Variants in CLCN5 observed in about 807,000 individuals in gnomAD.
CLCN5 encodes H(+)/Cl(-) exchange transporter 5.
Under a neutral mutation model 54.0 loss-of-function variants are expected in CLCN5, and 17 were observed. The ratio of observed to expected loss-of-function variants is 0.31; its 90% CI spans 0.22 to 0.47. CLCN5 has a LOEUF of 0.47. CLCN5 is among the 20% of genes least tolerant of loss of function. The probability of loss-of-function intolerance (pLI) is 1.00; values close to 1 mark genes in which losing one functional copy is unlikely to be tolerated. For synonymous variants in CLCN5, 222 were observed against 233.0 expected, an observed-to-expected ratio of 0.95 and a Z score of 0.43; for missense variants, 448 against 646.7, an observed-to-expected ratio of 0.69 and a Z score of 3.33.
intron 3 of CLCN5, chrX:50,003,107 TG>T: frequency 2.8e-6 from 1 of 363,035 alleles, no homozygotes. Flanking sequence ...CCAAGGCATC[TG>T]GGATACGCAT....
chrX:50,075,732 A>C (rs1933375840), intron 6 of CLCN5, 63 bp from the exon 7 acceptor site: 1 of 1,022,746 alleles, frequency 9.8e-7, no homozygotes, highest in Non-Finnish European at 1.4e-6. Context: ...TATTCTGATG[A>C]CCAAAGAACA....
rs193198907 is a variant in CLCN5, at chrX:50,094,301, A to C, written c.*2082A>C. 17 of 111,733 alleles carry C rather than the reference A, an allele frequency of 1.5e-4. No homozygotes were observed. In the East Asian group the frequency reaches 3.9e-3, roughly 26 times the overall value. The allele number at this position is 111,733 out of a possible 1,213,427, so 9.2% of individuals were successfully genotyped here. ...GTATCATAGTAATGGCTCAGTAACC[A>C]CATATTTTGTCCTTTCCATGTCACT... On this transcript the variant is annotated 3_prime_UTR_variant, in exon 15 of 15. Transcript: ENST00000376091.
intron 3 of CLCN5, among the ~76,000 whole-genome samples, chrX:50,022,667 G>A (rs1253588722): frequency 1.2e-5 from 1 of 82,589 alleles, no homozygotes; most frequent in East Asian, 3.4e-4. Flanking sequence ...AGAGATTCTG[G>A]TATGTGGTGT....
At chrX:49,982,038 C>T (rs1196931754) in intron 3 of CLCN5, among the ~76,000 whole-genome samples, 1 of 110,608 alleles carries the variant, frequency 9.0e-6, no homozygotes, top group African/African-American at 3.3e-5. Context: ...TCTGTTTTGC[C>T]CTGCTAATTT....
At chrX:49,968,979 A>G (rs978854271) in intron 3 of CLCN5, among the ~76,000 whole-genome samples, 1 of 110,697 alleles carries the variant, frequency 9.0e-6, no homozygotes, top group Non-Finnish European at 1.9e-5. Flanking sequence ...CTGATCTTTA[A>G]TATTTTATTT....
At position 49,958,540 on chromosome X, in the gene CLCN5, A is replaced by T. The variant is rs781854768; in HGVS notation, c.16+33226A>T. Among the ~76,000 whole-genome samples the T allele has an allele frequency of 2.7e-5, 3 of 111,985 alleles. No individual in the cohort carries two copies. The Admixed American group carries it at 2.8e-4, about 11-fold the overall frequency. ...TTATAAACTGATTTTTTTCCCATCAAGATTAGCAGTCTTTGTTTTCAGAGC... is the reference window on the plus strand; with the variant it reads ...TTATAAACTGATTTTTTTCCCATCATGATTAGCAGTCTTTGTTTTCAGAGC... On this transcript the variant is annotated intron_variant, in intron 3 of 14. Coordinates refer to ENST00000376091, the MANE Select transcript of CLCN5 (RefSeq NM_001127898.4).
chrX:50,086,203 T>C (rs1933879969), intron 10 of CLCN5, 125 bp from the exon 11 acceptor site: 48 of 895,634 alleles, frequency 5.4e-5, no homozygotes, highest in Non-Finnish European at 3.7e-5. Context: ...TGCTTTACCA[T>C]GTGACTAGAA....
intron 9 of CLCN5, 112 bp from the exon 10 acceptor site, chrX:50,085,868 C>G (rs1188607882): frequency 3.1e-6 from 2 of 651,748 alleles, no homozygotes; most frequent in African/African-American, 4.3e-5. Flanking sequence ...TATGGAACAT[C>G]TAGAGGTATT....
At chrX:50,064,110 T>A (rs1249157317) in intron 4 of CLCN5, among the ~76,000 whole-genome samples, 2 of 106,912 alleles carry the variant, frequency 1.9e-5, no homozygotes, top group Non-Finnish European at 3.9e-5. Flanking sequence ...AAGACAGGGA[T>A]GCCCTCTCTC....
At chrX:49,998,105 A>G (rs1929619328) in intron 3 of CLCN5, among the ~76,000 whole-genome samples, 2 of 111,076 alleles carry the variant, frequency 1.8e-5, no homozygotes, top group African/African-American at 3.3e-5. Flanking sequence ...TGAGCTCAGC[A>G]CTGGTCATAG....
chrX:49,938,436 C>T (rs1926124957), intron 3 of CLCN5, among the ~76,000 whole-genome samples: 1 of 111,584 alleles, frequency 9.0e-6, no homozygotes, highest in Non-Finnish European at 1.9e-5. Flanking sequence ...GGTACCAAAA[C>T]AGAGATATAG....
rs782065582 is a variant in CLCN5 at position 50,075,926 on chromosome X, A to G, written c.547A>G (p.Arg183Gly). ...CTCTGAGCATGTCACCTTTGAAGAGAGAGACAAATGTCCAGAGTGGAATAG... is the reference window on the plus strand; with the variant it reads ...CTCTGAGCATGTCACCTTTGAAGAGGGAGACAAATGTCCAGAGTGGAATAG... ...WNSEHVTFEERDKCPEWNSWS... is the reference protein window; with the variant it reads ...WNSEHVTFEEGDKCPEWNSWS... Residue 183 changes from arginine (R) to glycine (G), a missense_variant, in exon 7 of 15, where the codon AGA becomes GGA. By Grantham distance (125) the Arg-to-Gly change is moderately radical. This residue lies in a region of CLCN5 where 41 missense variants were observed against 71.3 expected (regional missense o/e 0.58). Coordinates refer to ENST00000376091, the MANE Select transcript of CLCN5 (RefSeq NM_001127898.4). 8.3e-7 allele frequency: 1 copy of G among 1,211,675 alleles called. No homozygotes were observed. The highest frequency in any genetic ancestry group is 1.8e-5 in the South Asian group (1 of 57,007).
chrX:50,033,786 T>C (rs1435151650), intron 3 of CLCN5, among the ~76,000 whole-genome samples: 1 of 111,888 alleles, frequency 8.9e-6, no homozygotes, highest in Admixed American at 9.5e-5. Flanking sequence ...TCAAATACAA[T>C]ATATATCTAT....
chrX:49,935,902 T>A (rs1925934455), intron 3 of CLCN5, among the ~76,000 whole-genome samples: 1 of 110,972 alleles, frequency 9.0e-6, no homozygotes, highest in South Asian at 3.9e-4. Context: ...CATGAAGGCC[T>A]TGGAGATAGA....
intron 4 of CLCN5, among the ~76,000 whole-genome samples, chrX:50,058,991 G>C (rs1557189485): frequency 9.0e-6 from 1 of 111,212 alleles, no homozygotes. Flanking sequence ...TTTGCATTTT[G>C]TTACTTTGTG....
intron 3 of CLCN5, among the ~76,000 whole-genome samples, chrX:49,997,932 C>CT (rs1929608620): frequency 9.0e-6 from 1 of 111,696 alleles, no homozygotes; most frequent in African/African-American, 3.3e-5. Context: ...ACTCACTACT[C>CT]TTTAGCAGTT....
intron 3 of CLCN5, among the ~76,000 whole-genome samples, chrX:50,003,835 C>A (rs1930011323): frequency 8.9e-6 from 1 of 111,827 alleles, no homozygotes; most frequent in African/African-American, 3.3e-5. Flanking sequence ...TGACCTGGTT[C>A]TGTCTTAGCG....
chrX:49,988,741 A>G (rs2147353253), intron 3 of CLCN5, among the ~76,000 whole-genome samples: 1 of 112,212 alleles, frequency 8.9e-6, no homozygotes, highest in Non-Finnish European at 1.9e-5. Flanking sequence ...AATGAACATA[A>G]AATTACTCTG....
At chrX:49,997,671 G>A (rs1929591267) in intron 3 of CLCN5, among the ~76,000 whole-genome samples, 1 of 109,109 alleles carries the variant, frequency 9.2e-6, no homozygotes, top group Admixed American at 9.7e-5. Flanking sequence ...CACTACAGAT[G>A]TGTGCTACTA....
Sources: allele counts gnomAD v4.1 joint callset (sites outside exome capture counted in the v4.1 genomes callset), GRCh38; gene constraint gnomAD v4.1.1; regional missense constraint gnomAD v4.1.1; transcripts MANE v1.5; gene names NCBI Gene and HGNC (gene_info 2026-07-23, HGNC 2026-07-21).